Variants in CCDC187 observed in about 807,000 individuals in gnomAD.
The protein encoded by CCDC187 is coiled-coil domain containing 187, also known as coiled-coil domain-containing protein 187.
In CCDC187, 32 loss-of-function variants were observed where a neutral mutation model predicts 38.0. The observed-to-expected ratio is 0.84, with a 90% confidence interval of 0.64 to 1.13. CCDC187 has a LOEUF of 1.13. CCDC187 is among the 50% of genes most tolerant of loss of function. The pLI is 0.00. For missense variants in CCDC187, 707 were observed against 786.8 expected, an observed-to-expected ratio of 0.90 and a Z score of 1.21; for synonymous variants, 333 against 347.9, an observed-to-expected ratio of 0.96 and a Z score of 0.48.
At position 136,262,418 on chromosome 9, in the gene CCDC187, C is replaced by CT. The variant is rs1309400782; in HGVS notation, c.3956dup (p.Thr1320AspfsTer40). On this transcript the variant is annotated frameshift_variant, in exon 19 of 26. Coordinates refer to ENST00000638797, the MANE Select transcript of CCDC187 (RefSeq NM_001378188.1). LOFTEE classifies it high-confidence loss of function. ...GGGAGGCCTCTGGCTGCTGGCTTGT[C>CT]TCTGAGCCTCCCTCCCAGGCGGCCT... 1.2e-5 allele frequency: 12 copies of CT among 986,086 alleles called. No individual in the cohort carries two copies. Among genetic ancestry groups the CT allele is most frequent in the Non-Finnish European group, 1.3e-5 (11 of 830,484 alleles). The allele number at this position is 986,086 out of a possible 1,614,324, so 61.1% of individuals were successfully genotyped here.
At chr9:136,301,610 G>A (rs1323784170) in intron 2 of CCDC187, among the ~76,000 whole-genome samples, 6 of 120,280 alleles carry the variant, frequency 5.0e-5, no homozygotes, top group Non-Finnish European at 6.8e-5. Flanking sequence ...TTTTTGAGAC[G>A]AAGTCTCGCT....
intron 2 of CCDC187, among the ~76,000 whole-genome samples, chr9:136,301,493 G>C (rs1831681281): frequency 2.0e-5 from 3 of 152,058 alleles, no homozygotes; most frequent in Admixed American, 1.3e-4. Context: ...GAGACGGAGG[G>C]TGGTGGCTGC....
Position 136,254,823 on chromosome 9 carries a change from A to T in CCDC187, c.5005T>A (p.Ser1669Thr), listed in dbSNP as rs940318552. The T allele has an allele frequency of 2.2e-5, 22 of 985,366 alleles. No individual in the cohort carries two copies. Among genetic ancestry groups the T allele is most frequent in the Non-Finnish European group, 2.7e-5 (22 of 829,992 alleles). The allele number at this position is 985,366 out of a possible 1,614,324, so 61.0% of individuals were successfully genotyped here. A position where few individuals can be genotyped will look rare whatever the true frequency, so the allele number is the denominator to read the frequency against. The change falls in exon 26 of 26, where the codon TCT (serine) becomes ACT (threonine). Residue 1669 changes from serine (S) to threonine (T), a missense_variant. Coordinates refer to ENST00000638797, the MANE Select transcript of CCDC187 (RefSeq NM_001378188.1). ...DEGFSWPGEL[S>T]ARHSSGEAGL... ...GCTTCCCCCGAGGAGTGTCGGGCAGAGAGCTCTCCAGGCCAGCTGAAACCT... is the reference window on the plus strand; with the variant it reads ...GCTTCCCCCGAGGAGTGTCGGGCAGTGAGCTCTCCAGGCCAGCTGAAACCT...
In CCDC187 at chr9:136,278,235, C is replaced by T. The variant is rs925351410; in HGVS notation, c.3041-1508G>A. The stretch of plus-strand genomic sequence containing the variant: ...AGCCAGAGAAGGGTCCCCAGCCCCA[C>T]CAAATGCCCCTCTGGCTCCTGGGAG... On this transcript the variant is annotated intron_variant, in intron 10 of 25. Coordinates refer to ENST00000638797, the MANE Select transcript of CCDC187 (RefSeq NM_001378188.1). Among the ~76,000 whole-genome samples, 16 of 152,350 alleles carry T rather than the reference C, an allele frequency of 1.1e-4. No homozygotes were observed. In the East Asian group the frequency reaches 1.5e-3, roughly 15 times the overall value.
At chr9:136,281,107 C>T (rs1379237207) in intron 10 of CCDC187, 2 of 274,880 alleles carry the variant, frequency 7.3e-6, no homozygotes, top group Non-Finnish European at 6.8e-6. Flanking sequence ...GCGCAGCCCA[C>T]GCCAGCACGA....
chr9:136,265,277 A>G (rs1281484880), intron 17 of CCDC187, among the ~76,000 whole-genome samples: 2 of 151,668 alleles, frequency 1.3e-5, no homozygotes, highest in African/African-American at 4.8e-5. Context: ...CCCCCTCCAC[A>G]TGTGCCCCCA....
chr9:136,294,257 C>G (rs1371592716), intron 4 of CCDC187, among the ~76,000 whole-genome samples: 1 of 151,818 alleles, frequency 6.6e-6, no homozygotes, highest in Non-Finnish European at 1.5e-5. Flanking sequence ...CACACTCTCA[C>G]GCGCTCATAT....
In CCDC187 at chr9:136,263,737, A is replaced by G. The variant is rs1279785048; in HGVS notation, c.3797T>C (p.Leu1266Pro). ...GGAGACGACGTCCCTCTGATGCTGC[A>G]GAAGCAGCTTCCTGTCCCGGTGCCT... ...LFRHRDRKLL[L>P]QHQRDVVSMP... The change falls in exon 18 of 26, where the codon CTG becomes CCG. Residue 1266 changes from leucine (L) to proline (P), a missense_variant. Coordinates refer to ENST00000638797, the MANE Select transcript of CCDC187 (RefSeq NM_001378188.1). 1.0e-6 allele frequency: 1 copy of G among 985,482 alleles called. No individual in the cohort carries two copies. Among genetic ancestry groups the G allele is most frequent in the Non-Finnish European group, 1.2e-6 (1 of 829,932 alleles). 61.0% of individuals were successfully genotyped at this position (985,482 alleles called of 1,614,324 possible).
At chr9:136,273,014 TAA>T (rs1342960350) in intron 14 of CCDC187, among the ~76,000 whole-genome samples, 2 of 152,130 alleles carry the variant, frequency 1.3e-5, no homozygotes, top group Non-Finnish European at 2.9e-5. Flanking sequence ...ACTAAAATAA[TAA>T]GAGTTATAGC....
intron 9 of CCDC187, among the ~76,000 whole-genome samples, chr9:136,284,831 C>T (rs1287094874): frequency 2.0e-5 from 3 of 152,104 alleles, no homozygotes; most frequent in Admixed American, 6.5e-5. Context: ...CGGGAGGGAG[C>T]GGCCGCCTCG....
At position 136,257,362 on chromosome 9, in the gene CCDC187, C is replaced by T. The variant is rs1189145855; in HGVS notation, c.4367-521G>A. 6.9e-6 allele frequency among the ~76,000 whole-genome samples: 1 copy of T among 145,864 alleles called. No homozygotes were observed. The highest frequency in any genetic ancestry group is 1.5e-5 in the Non-Finnish European group (1 of 66,502). ...TACTCCAGCTGGGGAGAGAGTGAGACTTTGTCTCAAAATTATAATAATAAT... is the reference window on the plus strand; with the variant it reads ...TACTCCAGCTGGGGAGAGAGTGAGATTTTGTCTCAAAATTATAATAATAAT... On this transcript the variant is annotated intron_variant, in intron 22 of 25. Transcript: ENST00000638797. The surrounding 1 kb of genome is among the most constrained non-coding windows in gnomAD (Gnocchi z 4.5).
At chr9:136,294,094 C>T (rs1831470046) in intron 4 of CCDC187, among the ~76,000 whole-genome samples, 1 of 134,198 alleles carries the variant, frequency 7.5e-6, no homozygotes, top group African/African-American at 2.8e-5. Flanking sequence ...ATACACACGC[C>T]CTCAAGTGCT....
At chr9:136,293,679 C>T (rs938163555) in intron 4 of CCDC187, among the ~76,000 whole-genome samples, 17 of 143,208 alleles carry the variant, frequency 1.2e-4, no homozygotes, top group Admixed American at 2.9e-4. Flanking sequence ...CGCATGCCCT[C>T]GCACGTGCTG....
intron 4 of CCDC187, among the ~76,000 whole-genome samples, chr9:136,293,351 TCACACACATTCACATG>T (rs1467002572): frequency 7.9e-6 from 1 of 126,778 alleles, no homozygotes; most frequent in Non-Finnish European, 1.7e-5. Flanking sequence ...ACTCACATGC[TCACACACATTCACATG>T]CTCACACACT....
At chr9:136,277,027 C>T (rs940729997) in intron 10 of CCDC187, among the ~76,000 whole-genome samples, 4 of 152,000 alleles carry the variant, frequency 2.6e-5, no homozygotes, top group Admixed American at 6.5e-5. Flanking sequence ...TCTGCCTGAC[C>T]CCGGCCAGGA....
intron 4 of CCDC187, among the ~76,000 whole-genome samples, chr9:136,293,341 A>G (rs1291355480): frequency 9.6e-5 from 14 of 145,542 alleles, no homozygotes; most frequent in African/African-American, 2.1e-4. Context: ...ACACACTCAC[A>G]CTCACATGCT....
chr9:136,296,645 C>A (rs1325232942), intron 4 of CCDC187: 6 of 152,424 alleles, frequency 3.9e-5, no homozygotes, highest in African/African-American at 1.4e-4. Context: ...CAGAAGGAAG[C>A]CCCAGAGGGA....
chr9:136,294,258 G>A (rs1172877320), intron 4 of CCDC187, among the ~76,000 whole-genome samples: 71 of 99,918 alleles, frequency 7.1e-4, no homozygotes, highest in South Asian at 3.7e-3. Context: ...ACACTCTCAC[G>A]CGCTCATATA....
chr9:136,297,269 A>G (rs1284141945), intron 4 of CCDC187, among the ~76,000 whole-genome samples: 1 of 145,410 alleles, frequency 6.9e-6, no homozygotes, highest in Non-Finnish European at 1.5e-5. Flanking sequence ...GCCCTGAGCT[A>G]CGGGTGCCGT....
Sources: gnomAD v4.1 joint callset for allele counts (sites outside exome capture counted in the v4.1 genomes callset) on GRCh38, gnomAD v4.1.1 for gene constraint, Gnocchi (gnomAD v3.1) non-coding constraint, MANE v1.5 for transcripts, NCBI Gene and HGNC (gene_info 2026-07-23, HGNC 2026-07-21) for gene names.